The following SPON1 variants were observed in gnomAD, a reference collection of about 807,000 sequenced individuals.
SPON1 encodes spondin-1.
Under a neutral mutation model 111.7 loss-of-function variants are expected in SPON1, and 52 were observed. The ratio of observed to expected loss-of-function variants is 0.47; its 90% CI spans 0.37 to 0.59. The LOEUF (loss-of-function observed/expected upper bound fraction) is 0.59, where lower values mean the gene tolerates loss of function less well. Ranked by LOEUF, SPON1 falls within the 20% of genes least tolerant of loss-of-function variation. SPON1 has a pLI of 0.00. For missense variants in SPON1, 957 were observed against 1,068.5 expected, an observed-to-expected ratio of 0.90 and a Z score of 1.46; for synonymous variants, 410 against 395.8, an observed-to-expected ratio of 1.04 and a Z score of -0.43.
At chr11:14,030,489 A>C (rs1218437283) in intron 2 of SPON1, among the ~76,000 whole-genome samples, 6 of 152,110 alleles carry the variant, frequency 3.9e-5, no homozygotes, top group African/African-American at 1.4e-4. Context: ...CCACAATCCC[A>C]CGTGCTTCTC....
intron 5 of SPON1, among the ~76,000 whole-genome samples, chr11:14,123,369 G>A (rs1847415883): frequency 6.6e-6 from 1 of 152,128 alleles, no homozygotes; most frequent in Admixed American, 6.5e-5. Flanking sequence ...TCCCAGGCCT[G>A]TTTTCTAAGC....
chr11:14,069,930 G>T (rs1434181898), intron 3 of SPON1, among the ~76,000 whole-genome samples: 1 of 152,048 alleles, frequency 6.6e-6, no homozygotes, highest in East Asian at 1.9e-4. Context: ...ACTGTCTTGG[G>T]CTTCCTGGAT....
intron 7 of SPON1, among the ~76,000 whole-genome samples, chr11:14,246,496 C>A (rs1375402014): frequency 6.6e-6 from 1 of 152,160 alleles, no homozygotes; most frequent in African/African-American, 2.4e-5. Flanking sequence ...ACAATTCATT[C>A]ATTTTCCCAT....
chr11:14,006,522 A>C (rs1848361734), intron 2 of SPON1, among the ~76,000 whole-genome samples: 1 of 152,134 alleles, frequency 6.6e-6, no homozygotes, highest in South Asian at 2.1e-4. Flanking sequence ...AAGAGCTAAC[A>C]ACTGATGAGT....
At chr11:14,166,957 A>C (rs1302654940) in intron 6 of SPON1, among the ~76,000 whole-genome samples, 1 of 152,108 alleles carries the variant, frequency 6.6e-6, no homozygotes, top group Non-Finnish European at 1.5e-5. Flanking sequence ...GTAGATGACA[A>C]AAATATTTTA....
intron 2 of SPON1, among the ~76,000 whole-genome samples, chr11:14,030,356 T>A (rs1292731258): frequency 6.6e-6 from 1 of 152,158 alleles, no homozygotes; most frequent in East Asian, 1.9e-4. Flanking sequence ...GCATGGAGGA[T>A]TAATCTGCTT....
At chr11:14,243,176 G>A (rs1419787966) in intron 6 of SPON1, among the ~76,000 whole-genome samples, 156 bp from the exon 7 acceptor site, 1 of 152,184 alleles carries the variant, frequency 6.6e-6, no homozygotes, top group Non-Finnish European at 1.5e-5. Context: ...AGGCCCCAGG[G>A]TTCCCCCATC....
At chr11:14,121,304 C>T (rs1266807639) in intron 5 of SPON1, among the ~76,000 whole-genome samples, 5 of 152,078 alleles carry the variant, frequency 3.3e-5, no homozygotes, top group African/African-American at 1.2e-4. Flanking sequence ...TTACTGAATT[C>T]AAAGCATACT....
At chr11:14,092,215 T>A (rs1410866455) in intron 5 of SPON1, among the ~76,000 whole-genome samples, 1 of 152,196 alleles carries the variant, frequency 6.6e-6, no homozygotes, top group African/African-American at 2.4e-5. Flanking sequence ...GAAAAATATA[T>A]CAGCGACTAA....
At chr11:14,229,275 C>G (rs1351535182) in intron 6 of SPON1, among the ~76,000 whole-genome samples, 1 of 152,144 alleles carries the variant, frequency 6.6e-6, no homozygotes, top group Admixed American at 6.5e-5. Flanking sequence ...TACGAGTGAA[C>G]AAATAATCAT....
intron 2 of SPON1, among the ~76,000 whole-genome samples, chr11:14,037,055 G>C (rs1305553625): frequency 2.6e-5 from 4 of 152,162 alleles, no homozygotes; most frequent in Admixed American, 2.6e-4. Flanking sequence ...TGAAGAGAGA[G>C]AGAAGACCGT....
At chr11:14,230,231 C>T (rs1848783611) in intron 6 of SPON1, among the ~76,000 whole-genome samples, 1 of 152,136 alleles carries the variant, frequency 6.6e-6, no homozygotes, top group Admixed American at 6.5e-5. Flanking sequence ...ACTTACTTCT[C>T]CCCCATTCGG....
intron 5 of SPON1, among the ~76,000 whole-genome samples, chr11:14,082,527 A>G (rs1361036306): frequency 1.3e-5 from 2 of 152,196 alleles, no homozygotes; most frequent in Non-Finnish European, 2.9e-5. Flanking sequence ...CTTCCCAAGC[A>G]CTGTGTACTG....
Position 14,266,413 on chromosome 11 carries a change from T to C in SPON1, c.*726T>C, listed in dbSNP as rs140314652. ...TAAATAATAAGCTTAGAGTGTATTT[T>C]TCCCTTGCTTTTGGGGGTTCAGAGG... On this transcript the variant is annotated 3_prime_UTR_variant, in exon 16 of 16. Transcript: ENST00000576479. 7.7e-4 allele frequency: 117 copies of C among 152,292 alleles called. No homozygotes were observed. The highest frequency in any genetic ancestry group is 2.6e-3 in the African/African-American group (109 of 41,562). 9.4% of individuals were successfully genotyped at this position (152,292 alleles called of 1,614,324 possible).
chr11:14,187,842 G>T (rs1376242526), intron 6 of SPON1, among the ~76,000 whole-genome samples: 5 of 151,054 alleles, frequency 3.3e-5, no homozygotes, highest in Non-Finnish European at 7.4e-5. Context: ...GTGTAATGGC[G>T]CAATCTCAGC....
chr11:14,173,388 AT>A (rs1205048128), intron 6 of SPON1, among the ~76,000 whole-genome samples: 18 of 151,988 alleles, frequency 1.2e-4, no homozygotes, highest in Non-Finnish European at 7.4e-5. Flanking sequence ...CTAGTTAGCC[AT>A]TCATCTAATT....
At chr11:14,015,527 G>A (rs549077038) in intron 2 of SPON1, among the ~76,000 whole-genome samples, 2 of 152,254 alleles carry the variant, frequency 1.3e-5, no homozygotes, top group African/African-American at 4.8e-5. Context: ...GGGACATTCA[G>A]ACCATAGCCA....
intron 6 of SPON1, among the ~76,000 whole-genome samples, chr11:14,179,138 A>G (rs1554933442): frequency 2.0e-5 from 3 of 152,176 alleles, no homozygotes. Flanking sequence ...TCAGCTCTGT[A>G]TTGGGAAATA....
intron 6 of SPON1, among the ~76,000 whole-genome samples, chr11:14,209,097 G>A (rs562483351): frequency 3.3e-5 from 5 of 151,956 alleles, no homozygotes; most frequent in South Asian, 2.1e-4. Context: ...TGTTGTTTTC[G>A]TTTTCTTATG....
Sources: allele counts gnomAD v4.1 joint callset (sites outside exome capture counted in the v4.1 genomes callset), GRCh38; gene constraint gnomAD v4.1.1; transcripts MANE v1.5; gene names NCBI Gene and HGNC (gene_info 2026-07-23, HGNC 2026-07-21).